The following DCC variants were observed in gnomAD, a reference collection of about 807,000 sequenced individuals.
The protein encoded by DCC is netrin receptor DCC.
A neutral mutation model predicts 172.5 loss-of-function variants in DCC; 58 were observed. The ratio of observed to expected loss-of-function variants is 0.34; its 90% CI spans 0.27 to 0.42. The LOEUF is 0.42. Among genes scored for constraint, DCC ranks in the 10% least tolerant of loss-of-function variants. DCC has a pLI of 1.00. For synonymous variants in DCC, 709 were observed against 644.5 expected (o/e 1.10, Z -1.52); for missense variants, 1,740 against 1,791.0 (o/e 0.97, Z 0.51).
chr18:53,497,750 CAAGG>C (rs1250047354), intron 26 of DCC, among the ~76,000 whole-genome samples: 1 of 152,198 alleles, frequency 6.6e-6, no homozygotes, highest in African/African-American at 2.4e-5. Flanking sequence ...CCAACATCAC[CAAGG>C]ATTTGCCTTA....
intron 5 of DCC, among the ~76,000 whole-genome samples, chr18:52,936,943 A>C (rs189915332): frequency 6.6e-6 from 1 of 152,300 alleles, no homozygotes; most frequent in African/African-American, 2.4e-5. Context: ...TTTTTATTCA[A>C]TATATCTTGG....
At chr18:53,170,422 A>G (rs1384928528) in intron 8 of DCC, among the ~76,000 whole-genome samples, 1 of 152,256 alleles carries the variant, frequency 6.6e-6, no homozygotes, top group Non-Finnish European at 1.5e-5. Context: ...GAAAATATCA[A>G]TAAAGATTTT....
At chr18:52,562,934 T>C (rs2033072475) in intron 1 of DCC, among the ~76,000 whole-genome samples, 1 of 152,104 alleles carries the variant, frequency 6.6e-6, no homozygotes, top group Admixed American at 6.6e-5. Flanking sequence ...CTGGCGTTAA[T>C]CATTTTATTG....
intron 1 of DCC, among the ~76,000 whole-genome samples, chr18:52,719,339 G>T (rs892713313): frequency 6.6e-6 from 1 of 151,564 alleles, no homozygotes; most frequent in Non-Finnish European, 1.5e-5. Flanking sequence ...GAAAGAAAAA[G>T]AAAAAAAATC....
rs146430104 is a variant in DCC at position 53,205,488 on chromosome 18, T to G, written c.1722+124T>G. On this transcript the variant is annotated intron_variant, in intron 10 of 28. Transcript: ENST00000442544. ...TTGAAACAGCCCAGTGTTAACACATTCATTGAAAAGCTGATTAGTTTTAAA... is the reference window on the plus strand; with the variant it reads ...TTGAAACAGCCCAGTGTTAACACATGCATTGAAAAGCTGATTAGTTTTAAA... The G allele has an allele frequency of 2.0e-4, 187 of 917,606 alleles. No individual in the cohort carries two copies. The African/African-American group carries it at 2.3e-3, about 11-fold the overall frequency. 56.8% of individuals were successfully genotyped at this position (917,606 alleles called of 1,614,324 possible). A position where few individuals can be genotyped will look rare whatever the true frequency, so the allele number is the denominator to read the frequency against.
At chr18:53,409,875 A>G (rs1417547391) in intron 19 of DCC, among the ~76,000 whole-genome samples, 1 of 152,200 alleles carries the variant, frequency 6.6e-6, no homozygotes, top group Non-Finnish European at 1.5e-5. Context: ...GTCTGGTGGT[A>G]AAGAATATTG....
Position 52,583,232 on chromosome 18 carries a change from C to T in DCC, c.92-168822C>T, listed in dbSNP as rs563421246. ...TACAAAAGCTAGCGTAAGATAGGTA[C>T]TCTGTAAATATTTATTGATCAATGT... is the stretch of plus-strand genomic sequence containing the variant. On this transcript the variant is annotated intron_variant, in intron 1 of 28. Coordinates refer to ENST00000442544, the MANE Select transcript of DCC (RefSeq NM_005215.4). Among the ~76,000 whole-genome samples, 64 of 152,148 alleles carry T rather than the reference C, an allele frequency of 4.2e-4. 1 individual carries two copies. The highest frequency in any genetic ancestry group is 9.0e-4 in the Non-Finnish European group (61 of 68,026).
At chr18:52,838,907 G>T (rs2038758295) in intron 2 of DCC, among the ~76,000 whole-genome samples, 1 of 152,178 alleles carries the variant, frequency 6.6e-6, no homozygotes, top group Non-Finnish European at 1.5e-5. Context: ...GATTTGGGAG[G>T]AAGTGAAAAG....
At chr18:53,189,195 A>ATG (rs2055331332) in intron 9 of DCC, among the ~76,000 whole-genome samples, 1 of 152,018 alleles carries the variant, frequency 6.6e-6, no homozygotes, top group Non-Finnish European at 1.5e-5. Flanking sequence ...GTGTGTATAT[A>ATG]TGTGTATATG....
chr18:52,871,712 C>A (rs546690616), intron 2 of DCC, among the ~76,000 whole-genome samples: 1 of 152,076 alleles, frequency 6.6e-6, no homozygotes, highest in Admixed American at 6.5e-5. Context: ...ACCTTGACCT[C>A]CCAAAGTGGT....
chr18:52,847,762 G>C (rs1054048163), intron 2 of DCC, among the ~76,000 whole-genome samples: 4 of 152,120 alleles, frequency 2.6e-5, no homozygotes, highest in African/African-American at 9.7e-5. Context: ...CTACAAAACA[G>C]TTCCTTCCAC....
At chr18:52,412,226 A>G (rs1283122941) in intron 1 of DCC, among the ~76,000 whole-genome samples, 3 of 152,272 alleles carry the variant, frequency 2.0e-5, no homozygotes, top group East Asian at 3.9e-4. Flanking sequence ...AAAGGCATGT[A>G]TACACATGTA....
intron 1 of DCC, among the ~76,000 whole-genome samples, chr18:52,527,676 C>A (rs1002113271): frequency 1.3e-5 from 2 of 152,192 alleles, no homozygotes; most frequent in East Asian, 3.8e-4. Flanking sequence ...CCTGCACAAA[C>A]TATCACTATT....
intron 1 of DCC, among the ~76,000 whole-genome samples, chr18:52,494,466 A>G (rs1254146599): frequency 9.9e-5 from 15 of 152,048 alleles, no homozygotes; most frequent in Non-Finnish European, 2.9e-5. Flanking sequence ...AATTACCTGT[A>G]TATTAGATAT....
At chr18:53,055,348 C>A (rs1437804957) in intron 5 of DCC, among the ~76,000 whole-genome samples, 1 of 152,088 alleles carries the variant, frequency 6.6e-6, no homozygotes, top group African/African-American at 2.4e-5. Flanking sequence ...TGGGCTTACA[C>A]CTGTGTCAGG....
At chr18:53,071,493 A>G (rs1286111590) in intron 7 of DCC, among the ~76,000 whole-genome samples, 2 of 152,220 alleles carry the variant, frequency 1.3e-5, no homozygotes, top group African/African-American at 2.4e-5. Context: ...ACACAGTGCT[A>G]TCTATGCAAT....
intron 1 of DCC, among the ~76,000 whole-genome samples, chr18:52,350,603 G>A (rs1322215195): frequency 3.3e-5 from 5 of 152,112 alleles, no homozygotes; most frequent in Admixed American, 2.6e-4. Flanking sequence ...ACTATGGCAT[G>A]TGTATACCTG....
At chr18:53,096,907 C>T (rs1166678063) in intron 7 of DCC, among the ~76,000 whole-genome samples, 1 of 152,036 alleles carries the variant, frequency 6.6e-6, no homozygotes, top group Non-Finnish European at 1.5e-5. Context: ...TAGAGTGGTA[C>T]ATTTTACACA....
intron 1 of DCC, among the ~76,000 whole-genome samples, chr18:52,536,803 A>G (rs1027833171): frequency 6.6e-6 from 1 of 152,148 alleles, no homozygotes; most frequent in Non-Finnish European, 1.5e-5. Context: ...CAATATTTTT[A>G]TGCAAGAAGC....
Sources: gnomAD v4.1 joint callset for allele counts (sites outside exome capture counted in the v4.1 genomes callset) on GRCh38, gnomAD v4.1.1 for gene constraint, MANE v1.5 for transcripts, NCBI Gene and HGNC (gene_info 2026-07-23, HGNC 2026-07-21) for gene names.